Variants in ASIC1 observed in about 807,000 individuals in gnomAD.
ASIC1 encodes the protein acid sensing ion channel subunit 1, also known as acid-sensing ion channel 1.
ASIC1 carries 21 observed loss-of-function variants against 63.4 expected under a neutral mutation model. The observed-to-expected ratio is 0.33, with a 90% CI of 0.23 to 0.48. The LOEUF (loss-of-function observed/expected upper bound fraction) is 0.48. Among genes scored for constraint, ASIC1 ranks in the 20% least tolerant of loss-of-function variants. ASIC1 has a pLI of 0.99. For missense variants in ASIC1, 478 were observed against 695.5 expected (o/e 0.69, Z 3.52); for synonymous variants, 258 against 278.2 (o/e 0.93, Z 0.72).
intron 3 of ASIC1, among the ~76,000 whole-genome samples, chr12:50,061,535 A>G (rs1184159646): frequency 6.6e-6 from 1 of 152,174 alleles, no homozygotes; most frequent in African/African-American, 2.4e-5. Flanking sequence ...ACTGTAGGTG[A>G]AGGTGGAAGC....
chr12:50,076,156 G>GGGA (rs1950652841), intron 3 of ASIC1, among the ~76,000 whole-genome samples: 1 of 152,126 alleles, frequency 6.6e-6, no homozygotes, highest in Non-Finnish European at 1.5e-5. Flanking sequence ...AAGGGGCTAG[G>GGGA]GGCTGAATGA....
At chr12:50,065,973 G>T (rs1364694549) in intron 3 of ASIC1, among the ~76,000 whole-genome samples, 1 of 152,196 alleles carries the variant, frequency 6.6e-6, no homozygotes, top group Non-Finnish European at 1.5e-5. Flanking sequence ...AAGCACACAT[G>T]TGCACCTCTG....
Position 50,078,340 on chromosome 12 carries a change from C to G in ASIC1, c.838-81C>G. On this transcript the variant is annotated intron_variant, in intron 5 of 11. Transcript: ENST00000447966. This position sits in a 1 kb window ranked among gnomAD's most constrained non-coding sequence, Gnocchi z 6.0. ...GAGAGGGGAGCAGAACTCCAGAGATCTGCATCTTGTCAGAGGAGTCCATCA... is the reference window on the plus strand; with the variant it reads ...GAGAGGGGAGCAGAACTCCAGAGATGTGCATCTTGTCAGAGGAGTCCATCA... 1 of 1,572,902 alleles carries G rather than the reference C, an allele frequency of 6.4e-7. No individual in the cohort carries two copies. The highest frequency in any genetic ancestry group is 2.2e-5 in the East Asian group (1 of 44,646).
At position 50,074,860 on chromosome 12, in the gene ASIC1, CTGTGTGTGTGTGTG is replaced by C. The variant is rs376276861; in HGVS notation, c.559-2319_559-2306del. Among the ~76,000 whole-genome samples, 2,008 of 141,492 alleles carry C rather than the reference CTGTGTGTGTGTGTG, an allele frequency of 0.014. 25 individuals are homozygous for C. Among genetic ancestry groups the C allele is most frequent in the Non-Finnish European group, 0.015 (995 of 65,046 alleles). The allele number at this position is 141,492 out of a possible 152,430, so 92.8% of individuals were successfully genotyped here. On this transcript the variant is annotated intron_variant, in intron 3 of 11. Coordinates refer to ENST00000447966, the MANE Select transcript of ASIC1 (RefSeq NM_001095.4). The surrounding 1 kb of genome is among the most constrained non-coding windows in gnomAD (Gnocchi z 4.2). ...TATGGACGCCCCACCCCCACCAGCT[CTGTGTGTGTGTGTG>C]TGTGTGTGTGTGTGTGTGTGTGTGT...
chr12:50,078,224 A>T lies in ASIC1; in HGVS notation c.837+97A>T. 1 of 1,540,082 alleles carries T rather than the reference A, an allele frequency of 6.5e-7. No homozygotes were observed. The highest frequency in any genetic ancestry group is 8.7e-7 in the Non-Finnish European group (1 of 1,145,064). On this transcript the variant is annotated intron_variant, in intron 5 of 11. Coordinates refer to ENST00000447966, the MANE Select transcript of ASIC1 (RefSeq NM_001095.4). The surrounding 1 kb of genome is among the most constrained non-coding windows in gnomAD (Gnocchi z 6.0). ...TAATGGGAAGGACAGGTGAGCAAGG[A>T]CCTGGGTGGTAATCTGGCTAGTCAG...
intron 3 of ASIC1, among the ~76,000 whole-genome samples, chr12:50,063,932 C>T (rs908485284): frequency 6.6e-6 from 1 of 152,092 alleles, no homozygotes; most frequent in Non-Finnish European, 1.5e-5. Context: ...CTTGGGAGGG[C>T]CTGACCTTAC....
chr12:50,081,427 T>A, intron 11 of ASIC1, 63 bp downstream of exon 11: 1 of 1,411,164 alleles, frequency 7.1e-7, no homozygotes, highest in Non-Finnish European at 9.6e-7. Context: ...AGGAACCCCG[T>A]CCACCCCCGC....
intron 3 of ASIC1, among the ~76,000 whole-genome samples, chr12:50,065,994 C>T (rs1007348277): frequency 2.6e-5 from 4 of 152,228 alleles, no homozygotes; most frequent in South Asian, 2.1e-4. Flanking sequence ...TGTGTGTCTG[C>T]AGGGGAGTGT....
chr12:50,076,343 T>G (rs1372534502), intron 3 of ASIC1, among the ~76,000 whole-genome samples: 1 of 152,018 alleles, frequency 6.6e-6, no homozygotes, highest in African/African-American at 2.4e-5. Flanking sequence ...GTTGTGCACT[T>G]GTAATCCCAG....
At chr12:50,071,094 AG>A (rs1224993428) in intron 3 of ASIC1, among the ~76,000 whole-genome samples, 2 of 152,030 alleles carry the variant, frequency 1.3e-5, no homozygotes, top group African/African-American at 4.8e-5. Flanking sequence ...CACCCTGTGG[AG>A]TCGGGAGGAT....
intron 3 of ASIC1, chr12:50,073,769 T>C: frequency 2.0e-6 from 3 of 1,536,112 alleles, no homozygotes; most frequent in Admixed American, 3.9e-5. Context: ...CATTCACCCA[T>C]GGACTTGGTG....
chr12:50,060,098 G>A, intron 3 of ASIC1, 144 bp downstream of exon 3: 3 of 991,632 alleles, frequency 3.0e-6, no homozygotes, highest in Non-Finnish European at 4.4e-6. Context: ...TAGAAGGGGA[G>A]TTTGTTCAGC....
chr12:50,059,280 A>AGG lies in ASIC1; in HGVS notation c.362+154_362+155dup. ...ACCTGCCACTCACAGCAGAGGAGTT[A>AGG]GGGTGCTGCTGAGCACCCAGTTAAG... On this transcript the variant is annotated intron_variant, in intron 2 of 11. Transcript: ENST00000447966. This position sits in a 1 kb window ranked among gnomAD's most constrained non-coding sequence, Gnocchi z 4.6. The AGG allele has an allele frequency of 1.6e-6, 2 of 1,221,744 alleles. No homozygotes were observed. Among genetic ancestry groups the AGG allele is most frequent in the Non-Finnish European group, 2.2e-6 (2 of 896,446 alleles). The allele number at this position is 1,221,744 out of a possible 1,614,324, so 75.7% of individuals were successfully genotyped here.
chr12:50,058,675 A>G (rs1950469972), intron 1 of ASIC1, 76 bp from the exon 2 acceptor site: 3 of 1,494,308 alleles, frequency 2.0e-6, no homozygotes, highest in Non-Finnish European at 2.7e-6. Flanking sequence ...AGGATTCTGG[A>G]TGGGCACATG....
chr12:50,078,653 CA>C lies in ASIC1; in HGVS notation c.994+78del, dbSNP rs1950683598. The C allele has an allele frequency of 6.3e-7, 1 of 1,585,550 alleles. No homozygotes were observed. Among genetic ancestry groups the C allele is most frequent in the Non-Finnish European group, 8.6e-7 (1 of 1,162,956 alleles). Reference sequence around the variant, plus strand: ...CCCTTCACTAGCTCCCCATCCATATCAATCTCCCAACCCCAGTTCCAGCCCA... The same window carrying C: ...CCCTTCACTAGCTCCCCATCCATATCATCTCCCAACCCCAGTTCCAGCCCA... On this transcript the variant is annotated intron_variant, in intron 6 of 11. Transcript: ENST00000447966. The surrounding 1 kb of genome is among the most constrained non-coding windows in gnomAD (Gnocchi z 6.0).
chr12:50,062,405 T>G (rs918217149), intron 3 of ASIC1, among the ~76,000 whole-genome samples: 4 of 152,208 alleles, frequency 2.6e-5, no homozygotes, highest in Non-Finnish European at 5.9e-5. Context: ...AGGGTCGATC[T>G]AAGGGAGACC....
intron 3 of ASIC1, among the ~76,000 whole-genome samples, chr12:50,076,077 C>G (rs976190581): frequency 2.6e-5 from 4 of 152,128 alleles, no homozygotes; most frequent in Non-Finnish European, 5.9e-5. Context: ...TGAGTGTGGT[C>G]CTTGGCATGG....
intron 1 of ASIC1, 128 bp from the exon 2 acceptor site, chr12:50,058,623 C>T: frequency 1.6e-6 from 2 of 1,242,982 alleles, no homozygotes; most frequent in Non-Finnish European, 2.2e-6. Context: ...GCTTGCAAAG[C>T]AGGGAAGTCT....
chr12:50,061,407 A>T (rs1024091883), intron 3 of ASIC1, among the ~76,000 whole-genome samples: 1 of 152,182 alleles, frequency 6.6e-6, no homozygotes, highest in East Asian at 1.9e-4. Context: ...CTTAGCCAAG[A>T]TGCAAGAACC....
Sources: allele counts gnomAD v4.1 joint callset (sites outside exome capture counted in the v4.1 genomes callset), GRCh38; gene constraint gnomAD v4.1.1; non-coding constraint Gnocchi (gnomAD v3.1); transcripts MANE v1.5; gene names NCBI Gene and HGNC (gene_info 2026-07-23, HGNC 2026-07-21).